The following ERC1 variants were observed in gnomAD, a reference collection of about 807,000 sequenced individuals.
ERC1 encodes ELKS/RAB6-interacting/CAST family member 1, also known as RAB6 interacting protein 2.
A neutral mutation model predicts 132.0 loss-of-function variants in ERC1; 56 were observed. The observed-to-expected ratio is 0.42, with a 90% CI of 0.34 to 0.53. The LOEUF (loss-of-function observed/expected upper bound fraction) is 0.53. ERC1 is among the 20% of genes least tolerant of loss of function. ERC1 has a pLI of 0.03. For missense variants in ERC1, 1,202 were observed against 1,349.9 expected (o/e 0.89, Z 1.72); for synonymous variants, 478 against 476.1 (o/e 1.00, Z -0.05).
At chr12:1,204,619 A>G (rs1594203892) in intron 12 of ERC1, 2 of 1,013,034 alleles carry the variant, frequency 2.0e-6, no homozygotes, top group East Asian at 2.6e-5. Context: ...AGGGATATCT[A>G]GAAATCTAGC....
At chr12:1,065,216 G>T (rs992593820) in intron 2 of ERC1, among the ~76,000 whole-genome samples, 2 of 152,028 alleles carry the variant, frequency 1.3e-5, no homozygotes, top group Non-Finnish European at 2.9e-5. Flanking sequence ...GGCCAGGCTG[G>T]TCTCAAACTC....
At chr12:1,119,670 C>G (rs1056181496) in intron 7 of ERC1, among the ~76,000 whole-genome samples, 1 of 151,926 alleles carries the variant, frequency 6.6e-6, no homozygotes, top group Non-Finnish European at 1.5e-5. Context: ...CCTGCCACAG[C>G]CTCCCGAGTA....
intron 7 of ERC1, among the ~76,000 whole-genome samples, chr12:1,129,836 G>GA (rs60585974): frequency 0.9 from 135,776 of 150,076 alleles, 62,484 homozygotes; most frequent in East Asian, 1. Flanking sequence ...TGAGATGCAA[G>GA]AAAAAAAAAC....
chr12:1,152,716 G>T (rs568704984), intron 8 of ERC1: 1 of 154,094 alleles, frequency 6.5e-6, no homozygotes. Flanking sequence ...CAGAAATATC[G>T]GTTGGAGGCC....
chr12:1,007,487 TC>T (rs1735577842), intron 1 of ERC1, among the ~76,000 whole-genome samples: 20 of 144,306 alleles, frequency 1.4e-4, no homozygotes, highest in East Asian at 3.9e-4. Flanking sequence ...TCTCTCTCTC[TC>T]TCTCTTTCTC....
intron 13 of ERC1, among the ~76,000 whole-genome samples, chr12:1,250,595 T>C (rs889196668): frequency 6.6e-6 from 1 of 152,190 alleles, no homozygotes; most frequent in South Asian, 2.1e-4. Context: ...CTGAATGATA[T>C]TCCATTCAGC....
intron 18 of ERC1, among the ~76,000 whole-genome samples, chr12:1,449,160 CATT>C (rs368514976): frequency 2.0e-4 from 30 of 152,318 alleles, no homozygotes; most frequent in Non-Finnish European, 3.8e-4. Context: ...CCTGTACCCT[CATT>C]GTATCTAGGA....
chr12:1,069,839 A>T (rs910602726), intron 2 of ERC1, among the ~76,000 whole-genome samples: 4 of 152,212 alleles, frequency 2.6e-5, no homozygotes, highest in African/African-American at 9.6e-5. Context: ...TTTTTTAATT[A>T]GGTTATGGGA....
intron 15 of ERC1, among the ~76,000 whole-genome samples, chr12:1,294,215 T>C (rs1273397921): frequency 6.6e-6 from 1 of 152,228 alleles, no homozygotes; most frequent in East Asian, 1.9e-4. Context: ...TGACATGAAT[T>C]GGAATAAATT....
chr12:1,405,146 T>TATAAAAATAAATAA (rs147432689), intron 16 of ERC1, among the ~76,000 whole-genome samples: 30 of 142,202 alleles, frequency 2.1e-4, no homozygotes, highest in African/African-American at 7.9e-4. Flanking sequence ...GCTCAAAAAA[T>TATAAAAATAAATAA]ATAAATAAAT....
intron 13 of ERC1, among the ~76,000 whole-genome samples, chr12:1,243,263 A>T (rs2075948377): frequency 6.6e-6 from 1 of 152,164 alleles, no homozygotes; most frequent in Non-Finnish European, 1.5e-5. Context: ...ATGTGCATAG[A>T]TTATCTGCAA....
chr12:1,364,372 G>A (rs148961842), intron 15 of ERC1, among the ~76,000 whole-genome samples: 9 of 152,064 alleles, frequency 5.9e-5, no homozygotes, highest in Non-Finnish European at 8.8e-5. Context: ...TCTATATTAC[G>A]TACAAAATCA....
chr12:1,345,789 AT>A (rs1401515779), intron 15 of ERC1, among the ~76,000 whole-genome samples: 1 of 151,922 alleles, frequency 6.6e-6, no homozygotes, highest in African/African-American at 2.4e-5. Context: ...CTATCCCTGA[AT>A]TTTTTGCTGT....
chr12:1,181,389 ATACTT>A (rs1306609960), intron 9 of ERC1, among the ~76,000 whole-genome samples: 3 of 152,226 alleles, frequency 2.0e-5, no homozygotes, highest in Non-Finnish European at 4.4e-5. Flanking sequence ...TTGCAAAAGA[ATACTT>A]TAGTGATATC....
Position 1,492,356 on chromosome 12 carries a change from C to A in ERC1, c.*2126C>A, listed in dbSNP as rs2094325244. The A allele has an allele frequency of 1.7e-5, 4 of 233,260 alleles. No homozygotes were observed. Among genetic ancestry groups the A allele is most frequent in the Non-Finnish European group, 3.4e-5 (4 of 118,032 alleles). The allele number at this position is 233,260 out of a possible 1,614,324, so 14.4% of individuals were successfully genotyped here. On this transcript the variant is annotated 3_prime_UTR_variant, in exon 19 of 19. Coordinates refer to ENST00000360905, the MANE Select transcript of ERC1 (RefSeq NM_178040.4). ...GAGTGTTAGCATCTCGCTTTATCCACCATAACGTAAAGAACTGCGGTGTGA... is the reference window on the plus strand; with the variant it reads ...GAGTGTTAGCATCTCGCTTTATCCAACATAACGTAAAGAACTGCGGTGTGA...
chr12:1,343,491 A>G (rs1228452161), intron 15 of ERC1, among the ~76,000 whole-genome samples: 1 of 152,188 alleles, frequency 6.6e-6, no homozygotes, highest in Non-Finnish European at 1.5e-5. Context: ...TATCTAGTAC[A>G]AAAACTGTAT....
At chr12:1,121,747 CTCTATCTCTATCTCTA>C (rs1566013246) in intron 7 of ERC1, among the ~76,000 whole-genome samples, 3 of 5,406 alleles carry the variant, frequency 5.5e-4, no homozygotes, top group African/African-American at 9.7e-4. Flanking sequence ...CTCTATCTAT[CTCTATCTCTATCTCTA>C]TCTATCTCTA....
intron 17 of ERC1, among the ~76,000 whole-genome samples, chr12:1,410,134 TTA>T (rs746713512): frequency 5.3e-5 from 8 of 151,798 alleles, no homozygotes; most frequent in East Asian, 1.9e-4. Flanking sequence ...TTTTATTGAT[TTA>T]TATATATATA....
intron 15 of ERC1, among the ~76,000 whole-genome samples, chr12:1,331,805 G>T (rs2082884368): frequency 6.6e-6 from 1 of 152,140 alleles, no homozygotes; most frequent in Non-Finnish European, 1.5e-5. Flanking sequence ...TTGCAGCTCT[G>T]TTCCATTTAT....
Sources: gnomAD v4.1 joint callset for allele counts (sites outside exome capture counted in the v4.1 genomes callset) on GRCh38, gnomAD v4.1.1 for gene constraint, MANE v1.5 for transcripts, NCBI Gene and HGNC (gene_info 2026-07-23, HGNC 2026-07-21) for gene names.